PCYOX1: variants seen among roughly 807,000 people sequenced by gnomAD.
PCYOX1 encodes prenylcysteine lyase.
A neutral mutation model predicts 46.4 loss-of-function variants in PCYOX1; 46 were observed. The observed-to-expected ratio is 0.99, with a 90% CI of 0.78 to 1.27. The LOEUF is 1.27. Among genes scored for constraint, PCYOX1 ranks in the 50% most tolerant of loss-of-function variants. The probability of loss-of-function intolerance (pLI) is 0.00; values close to 1 mark genes in which losing one functional copy is unlikely to be tolerated. For missense variants in PCYOX1, 658 were observed against 628.3 expected, an observed-to-expected ratio of 1.05 and a Z score of -0.51; for synonymous variants, 220 against 231.8, an observed-to-expected ratio of 0.95 and a Z score of 0.46.
intron 4 of PCYOX1, 139 bp from the exon 5 acceptor site, chr2:70,275,375 G>A: frequency 2.2e-6 from 2 of 902,276 alleles, no homozygotes; most frequent in Non-Finnish European, 3.5e-6. Flanking sequence ...ATTCTTAACT[G>A]GGGGAGATTT....
rs764381573 is a variant in PCYOX1, at chr2:70,274,943, C to A, written c.495-16C>A. On this transcript the variant is annotated splice_polypyrimidine_tract_variant and intron_variant, in intron 3 of 5. Coordinates refer to ENST00000433351, the MANE Select transcript of PCYOX1 (RefSeq NM_016297.4). ...ATCTTGTTTGGTATTTAATGGATTTCTCTTCTTTTCCAAAGGATCTACCGC... is the reference window on the plus strand; with the variant it reads ...ATCTTGTTTGGTATTTAATGGATTTATCTTCTTTTCCAAAGGATCTACCGC... 6.7e-6 allele frequency: 10 copies of A among 1,492,326 alleles called. No homozygotes were observed. In the East Asian group the frequency reaches 2.3e-4, roughly 34 times the overall value. 92.4% of individuals were successfully genotyped at this position (1,492,326 alleles called of 1,614,324 possible).
chr2:70,277,775 T>G lies in PCYOX1; in HGVS notation c.*383T>G, dbSNP rs1043174693. 2 of 165,610 alleles carry G rather than the reference T, an allele frequency of 1.2e-5. No individual in the cohort carries two copies. The highest frequency in any genetic ancestry group is 1.2e-4 in the Admixed American group (2 of 16,756). The allele number at this position is 165,610 out of a possible 1,614,324, so 10.3% of individuals were successfully genotyped here. On this transcript the variant is annotated 3_prime_UTR_variant, in exon 6 of 6. Coordinates refer to ENST00000433351, the MANE Select transcript of PCYOX1 (RefSeq NM_016297.4). ...ATAAAAATAATCACCTGGAGTTTGT[T>G]AAACCATATGGATTCTCAAGCTCCT...
chr2:70,258,032 C>T, upstream of PCYOX1: 1 of 601,368 alleles, frequency 1.7e-6, no homozygotes, highest in African/African-American at 2.1e-5. Context: ...GAGGTCGGGG[C>T]GGGGCTCGCA....
At chr2:70,266,768 G>A (rs1343513137) in intron 3 of PCYOX1, among the ~76,000 whole-genome samples, 1 of 152,132 alleles carries the variant, frequency 6.6e-6, no homozygotes, top group African/African-American at 2.4e-5. Context: ...GTTTCAGAGA[G>A]CATGGGGTTG....
intron 5 of PCYOX1, among the ~76,000 whole-genome samples, chr2:70,276,248 C>T (rs1334479617): frequency 6.6e-6 from 1 of 151,490 alleles, no homozygotes; most frequent in Non-Finnish European, 1.5e-5. Flanking sequence ...CGGCTCACTG[C>T]AAGCTCCGCC....
At chr2:70,274,900 A>G in intron 3 of PCYOX1, 59 bp from the exon 4 acceptor site, 1 of 1,053,784 alleles carries the variant, frequency 9.5e-7, no homozygotes, top group African/African-American at 1.6e-5. Flanking sequence ...TCCCTTCTTT[A>G]TACATCCCCT....
intron 3 of PCYOX1, among the ~76,000 whole-genome samples, chr2:70,265,749 ATTC>A (rs1452915446): frequency 1.3e-5 from 2 of 152,154 alleles, no homozygotes; most frequent in Non-Finnish European, 2.9e-5. Context: ...GTTAAAGCTT[ATTC>A]TTCTCTCTCA....
Position 70,278,808 on chromosome 2 carries a change from TAGAAC to T in PCYOX1, c.*1423_*1427del, listed in dbSNP as rs1263117783. Reference sequence around the variant, plus strand: ...TCATGATTAACTGTCAAGACACTGGTAGAACAGAACAAGCAAAAGATTAAGAGTTC... The same window carrying T: ...TCATGATTAACTGTCAAGACACTGGTAGAACAAGCAAAAGATTAAGAGTTC... On this transcript the variant is annotated 3_prime_UTR_variant, in exon 6 of 6. Coordinates refer to ENST00000433351, the MANE Select transcript of PCYOX1 (RefSeq NM_016297.4). The T allele has an allele frequency of 1.3e-5, 2 of 152,134 alleles. No homozygotes were observed. Among genetic ancestry groups the T allele is most frequent in the African/African-American group, 4.8e-5 (2 of 41,438 alleles). 9.4% of individuals were successfully genotyped at this position (152,134 alleles called of 1,614,324 possible). A position where few individuals can be genotyped will look rare whatever the true frequency, so the allele number is the denominator to read the frequency against.
In PCYOX1 at chr2:70,258,263, G is replaced by A. The variant is rs141755592; in HGVS notation, c.99G>A (p.Pro33=). 1.7e-4 allele frequency: 272 copies of A among 1,587,918 alleles called. 1 individual carries two copies. The African/African-American group carries it at 2.3e-3, about 14-fold the overall frequency. ...CCGAGGGCGCCGAGCTGCGTGCTCC[G>A]CCAGATAAAATCGGTAGGCGAGAAG... The part of the protein sequence containing the change: ...GCPEGAELRA[P]PDKIAIIGAG... Residue 33 remains proline (P), a synonymous_variant, in exon 1 of 6, where the codon CCG becomes CCA. Coordinates refer to ENST00000433351, the MANE Select transcript of PCYOX1 (RefSeq NM_016297.4).
At chr2:70,258,824 G>GA (rs1011637034) in intron 1 of PCYOX1, among the ~76,000 whole-genome samples, 2 of 152,230 alleles carry the variant, frequency 1.3e-5, no homozygotes, top group Non-Finnish European at 2.9e-5. Context: ...CTCCGCCTAG[G>GA]ACTAACACAG....
chr2:70,258,504 GCGT>G, intron 1 of PCYOX1: 1 of 389,582 alleles, frequency 2.6e-6, no homozygotes, highest in Non-Finnish European at 4.6e-6. Context: ...TGAGGAATGG[GCGT>G]GGACGGGGAC....
chr2:70,261,216 C>G lies in PCYOX1; in HGVS notation c.324C>G (p.Leu108=). 6.2e-7 allele frequency: 1 copy of G among 1,608,146 alleles called. No individual in the cohort carries two copies. ...CTGTGCTTTATGTTTTTGCAGGTCTCTCTGCTGTTCAGGCCTCTGGTGGCC... is the reference window on the plus strand; with the variant it reads ...CTGTGCTTTATGTTTTTGCAGGTCTGTCTGCTGTTCAGGCCTCTGGTGGCC... ...HMKRFVKDLG[L]SAVQASGGLL... is the part of the protein sequence containing the mutation. The change falls in exon 3 of 6, where the codon CTC becomes CTG. Residue 108 remains leucine (L), a synonymous_variant. Transcript: ENST00000433351.
In PCYOX1 at chr2:70,276,936, A is replaced by G. The variant is rs775227432; in HGVS notation, c.1062A>G (p.Thr354=). The G allele has an allele frequency of 1.9e-6, 3 of 1,611,958 alleles. No individual in the cohort carries two copies. The South Asian group carries it at 3.3e-5, about 18-fold the overall frequency. The change falls in exon 6 of 6, where the codon ACA becomes ACG. Residue 354 remains threonine (T), a synonymous_variant. Transcript: ENST00000433351. ...VTTLVKGELN[T]SIFSSRPIDK... Reference sequence around the variant, plus strand: ...CTTTAGTTAAGGGGGAATTGAATACATCTATCTTTAGCTCTAGACCCATAG... The same window carrying G: ...CTTTAGTTAAGGGGGAATTGAATACGTCTATCTTTAGCTCTAGACCCATAG...
At chr2:70,261,486 C>T (rs1231762021) in intron 3 of PCYOX1, 100 bp downstream of exon 3, 6 of 810,222 alleles carry the variant, frequency 7.4e-6, no homozygotes, top group South Asian at 1.8e-5. Flanking sequence ...GCATTTTCTA[C>T]CTCACAGCAA....
chr2:70,265,291 C>T (rs934621365), intron 3 of PCYOX1, among the ~76,000 whole-genome samples: 7 of 150,074 alleles, frequency 4.7e-5, no homozygotes, highest in Non-Finnish European at 7.4e-5. Flanking sequence ...CAGCTTTGAC[C>T]TCCTGGTCTC....
chr2:70,261,800 C>T (rs960592380), intron 3 of PCYOX1, among the ~76,000 whole-genome samples: 2 of 152,146 alleles, frequency 1.3e-5, no homozygotes, highest in Non-Finnish European at 2.9e-5. Context: ...TTTGAGTCTT[C>T]ACTCTTAATC....
Position 70,277,325 on chromosome 2 carries a change from G to A in PCYOX1, c.1451G>A (p.Arg484His), listed in dbSNP as rs758076821. ...AACGCTGCACTCCTTGCCTATCACCGCTGGAACGGGCACACAGACATGATT... is the reference window on the plus strand; with the variant it reads ...AACGCTGCACTCCTTGCCTATCACCACTGGAACGGGCACACAGACATGATT... The part of the protein sequence containing the change: ...AHNAALLAYH[R>H]WNGHTDMIDQ... Residue 484 changes from arginine (R) to histidine (H), a missense_variant, in exon 6 of 6, where the codon CGC (arginine) becomes CAC (histidine). Transcript: ENST00000433351. The A allele has an allele frequency of 6.2e-6, 10 of 1,613,866 alleles. No individual in the cohort carries two copies. The highest frequency in any genetic ancestry group is 5.5e-5 in the South Asian group (5 of 91,074).
At chr2:70,272,209 C>T (rs1037989511) in intron 3 of PCYOX1, among the ~76,000 whole-genome samples, 4 of 151,352 alleles carry the variant, frequency 2.6e-5, no homozygotes, top group African/African-American at 9.7e-5. Flanking sequence ...TCACTGCAAC[C>T]TCTACCTCCC....
chr2:70,267,966 A>G (rs2104894477), intron 3 of PCYOX1, among the ~76,000 whole-genome samples: 2 of 152,052 alleles, frequency 1.3e-5, no homozygotes, highest in South Asian at 4.1e-4. Flanking sequence ...GCCCACCACC[A>G]TGCCCGGCTA....
Sources: gnomAD v4.1 joint callset for allele counts (sites outside exome capture counted in the v4.1 genomes callset) on GRCh38, gnomAD v4.1.1 for gene constraint, MANE v1.5 for transcripts, NCBI Gene and HGNC (gene_info 2026-07-23, HGNC 2026-07-21) for gene names.